The following C16orf95 variants were observed in gnomAD, a reference collection of about 807,000 sequenced individuals.
The protein encoded by C16orf95 is chromosome 16 open reading frame 95.
C16orf95 carries 41 observed loss-of-function variants against 32.1 expected under a neutral mutation model. That is an observed-to-expected ratio of 1.28 (90% CI 1.00 to 1.66). The LOEUF (loss-of-function observed/expected upper bound fraction) is 1.66. Ranked by LOEUF, C16orf95 falls within the 40% of genes most tolerant of loss-of-function variation. The pLI is 0.00. For synonymous variants in C16orf95, 147 were observed against 128.9 expected, an observed-to-expected ratio of 1.14 and a Z score of -0.95; for missense variants, 399 against 325.9, an observed-to-expected ratio of 1.22 and a Z score of -1.73.
intron 3 of C16orf95, among the ~76,000 whole-genome samples, chr16:87,312,613 C>T (rs1911335953): frequency 6.9e-6 from 1 of 145,790 alleles, no homozygotes; most frequent in Non-Finnish European, 1.5e-5. Context: ...AAAAGAAAAA[C>T]TGAATGCCAT....
intron 1 of C16orf95, 29 bp from the exon 2 acceptor site, chr16:87,315,852 G>A (rs1304373062): frequency 1.3e-6 from 2 of 1,514,440 alleles, no homozygotes; most frequent in Non-Finnish European, 1.8e-6. Flanking sequence ...AAAGCTTAGG[G>A]TTTGTGTAAA....
intron 4 of C16orf95, 48 bp from the exon 5 acceptor site, chr16:87,310,381 G>C (rs1457953715): frequency 6.5e-7 from 1 of 1,529,408 alleles, no homozygotes; most frequent in East Asian, 2.4e-5. Context: ...GACCCTCCAA[G>C]GGGGAAGGCC....
Position 87,303,026 on chromosome 16 carries a change from C to T in C16orf95, c.*31G>A. The T allele has an allele frequency of 6.5e-7, 1 of 1,535,536 alleles. No homozygotes were observed. The highest frequency in any genetic ancestry group is 2.4e-5 in the East Asian group (1 of 40,922). On this transcript the variant is annotated 3_prime_UTR_variant, in exon 7 of 7. Coordinates refer to ENST00000567970, the MANE Select transcript of C16orf95 (RefSeq NM_001195124.3). The stretch of plus-strand genomic sequence containing the variant: ...TCTTGATCGTGACACATTTTTGTGG[C>T]TGTTCTTGACAGTAGCTGAAGATTC...
Position 87,315,018 on chromosome 16 carries a change from C to T in C16orf95, c.283G>A (p.Ala95Thr), listed in dbSNP as rs1413716747. Residue 95 changes from alanine to threonine, a missense_variant, in exon 3 of 7, where the codon GCA becomes ACA. Physicochemically the swap from Ala to Thr is moderately conservative, Grantham distance 58. Coordinates refer to ENST00000567970, the MANE Select transcript of C16orf95 (RefSeq NM_001195124.3). ...GGRLPVSRVE[A>T]ALPYWVPLSL... ...AGAGGGACCCAGTAAGGCAGTGCTGCTTCCACCCTGGACACAGGCAGGCGG... is the reference window on the plus strand; with the variant it reads ...AGAGGGACCCAGTAAGGCAGTGCTGTTTCCACCCTGGACACAGGCAGGCGG... 6.5e-7 allele frequency: 1 copy of T among 1,536,030 alleles called. No individual in the cohort carries two copies. The highest frequency in any genetic ancestry group is 8.7e-7 in the Non-Finnish European group (1 of 1,146,896).
intron 6 of C16orf95, among the ~76,000 whole-genome samples, chr16:87,304,755 G>A (rs975702491): frequency 6.6e-6 from 1 of 152,196 alleles, no homozygotes; most frequent in African/African-American, 2.4e-5. Context: ...CCAAAAAACA[G>A]GGGAGAGCCT....
intron 4 of C16orf95, 127 bp from the exon 5 acceptor site, chr16:87,310,460 C>T (rs1022005088): frequency 6.9e-6 from 6 of 863,764 alleles, no homozygotes; most frequent in East Asian, 2.6e-5. Flanking sequence ...AGGGCTCCTC[C>T]TTATGAGGTC....
chr16:87,309,530 T>A (rs1911185953), intron 5 of C16orf95, among the ~76,000 whole-genome samples: 1 of 151,756 alleles, frequency 6.6e-6, no homozygotes, highest in Non-Finnish European at 1.5e-5. Context: ...ACTACAGACA[T>A]GTGCCACCAC....
chr16:87,306,264 A>T (rs947351101), intron 5 of C16orf95: 4 of 178,774 alleles, frequency 2.2e-5, no homozygotes, highest in Non-Finnish European at 4.6e-5. Flanking sequence ...GAGCCGAGTG[A>T]TGGGCACGTG....
intron 5 of C16orf95, among the ~76,000 whole-genome samples, chr16:87,306,994 G>A (rs1044957725): frequency 2.6e-5 from 4 of 152,128 alleles, no homozygotes; most frequent in South Asian, 2.1e-4. Context: ...TCTACGGTTC[G>A]AAGAGCCATA....
intron 4 of C16orf95, 38 bp downstream of exon 4, chr16:87,311,112 C>T: frequency 6.9e-7 from 1 of 1,443,260 alleles, no homozygotes; most frequent in Non-Finnish European, 9.2e-7. Context: ...CCCCACCTCA[C>T]TCTTCAGTTC....
In C16orf95 at chr16:87,305,773, G is replaced by C. The variant is rs1400450129; in HGVS notation, c.647C>G (p.Pro216Arg). 4 of 1,518,656 alleles carry C rather than the reference G, an allele frequency of 2.6e-6. No homozygotes were observed. Among genetic ancestry groups the C allele is most frequent in the Admixed American group, 4.1e-5 (2 of 49,316 alleles). 94.1% of individuals were successfully genotyped at this position (1,518,656 alleles called of 1,614,324 possible). ...QLPAPAARLL[P>R]LGLLTLLQAI... ...CTGGAGGAGGGTCAGGAGGCCGAGG[G>C]GCAGCAGACGCGCTGCAGGAGCCGG... The change falls in exon 6 of 7, where the codon CCC becomes CGC. Residue 216 changes from proline to arginine, a missense_variant. By Grantham distance (103) the Pro-to-Arg change is moderately radical (BLOSUM62 -2). Coordinates refer to ENST00000567970, the MANE Select transcript of C16orf95 (RefSeq NM_001195124.3). The surrounding 1 kb of genome is among the most constrained non-coding windows in gnomAD (Gnocchi z 4.2).
Position 87,317,344 on chromosome 16 carries a change from C to G in C16orf95, c.-102G>C. ...CTCCTGCCCCAGGAGGAACCCAACC[C>G]GAGCTCAACCCCAGCCCCAACCTCA... On this transcript the variant is annotated 5_prime_UTR_variant, in exon 1 of 7. Coordinates refer to ENST00000567970, the MANE Select transcript of C16orf95 (RefSeq NM_001195124.3). 1.4e-6 allele frequency: 2 copies of G among 1,429,216 alleles called. No individual in the cohort carries two copies. Among genetic ancestry groups the G allele is most frequent in the Admixed American group, 2.8e-5 (1 of 36,316 alleles). The allele number at this position is 1,429,216 out of a possible 1,614,324, so 88.5% of individuals were successfully genotyped here. A position where few individuals can be genotyped will look rare whatever the true frequency, so the allele number is the denominator to read the frequency against.
At chr16:87,306,249 G>A (rs756988031) in intron 5 of C16orf95, 2 of 185,124 alleles carry the variant, frequency 1.1e-5, no homozygotes, top group Non-Finnish European at 1.1e-5. Context: ...ACTGGATAAT[G>A]ACTGGAGCCG....
At chr16:87,316,240 G>C (rs991907851) in intron 1 of C16orf95, among the ~76,000 whole-genome samples, 14 of 152,242 alleles carry the variant, frequency 9.2e-5, no homozygotes, top group South Asian at 2.1e-4. Context: ...AAAAAACATC[G>C]TCAAACTGTC....
Position 87,315,094 on chromosome 16 carries a change from C to T in C16orf95, c.207G>A (p.Met69Ile). 1 of 1,535,764 alleles carries T rather than the reference C, an allele frequency of 6.5e-7. No individual in the cohort carries two copies. The highest frequency in any genetic ancestry group is 1.2e-5 in the South Asian group (1 of 83,994). Residue 69 changes from methionine (M) to isoleucine (I), a missense_variant and splice_region_variant, in exon 3 of 7, where the codon ATG becomes ATA. Coordinates refer to ENST00000567970, the MANE Select transcript of C16orf95 (RefSeq NM_001195124.3). ...KKEVCLPRHS[M>I]HPGPWAICCE... ...AGCAGATGGCCCAGGGGCCAGGGTGCATCTGAGTAAGATCCAGAAATGACA... is the reference window on the plus strand; with the variant it reads ...AGCAGATGGCCCAGGGGCCAGGGTGTATCTGAGTAAGATCCAGAAATGACA...
At position 87,317,387 on chromosome 16, in the gene C16orf95, A is replaced by G. The variant is rs140987629; in HGVS notation, c.-145T>C. 1,974 of 1,387,924 alleles carry G rather than the reference A, an allele frequency of 1.4e-3. 2 individuals carry two copies. Among genetic ancestry groups the G allele is most frequent in the Non-Finnish European group, 1.7e-3 (1,856 of 1,075,256 alleles). The allele number at this position is 1,387,924 out of a possible 1,614,324, so 86.0% of individuals were successfully genotyped here. ...CAACCTCAACCGCTCAGAGGAGCCCAACAACGCCCGCGCGCCCGCCCGTCC... is the reference window on the plus strand; with the variant it reads ...CAACCTCAACCGCTCAGAGGAGCCCGACAACGCCCGCGCGCCCGCCCGTCC... On this transcript the variant is annotated 5_prime_UTR_variant, in exon 1 of 7. Transcript: ENST00000567970.
intron 4 of C16orf95, among the ~76,000 whole-genome samples, chr16:87,310,911 C>T (rs567351963): frequency 9.2e-5 from 14 of 152,272 alleles, no homozygotes; most frequent in African/African-American, 3.4e-4. Context: ...GAGAGCAGCG[C>T]GGCCCTGCCC....
chr16:87,315,943 G>A, intron 1 of C16orf95, 120 bp from the exon 2 acceptor site: 2 of 531,656 alleles, frequency 3.8e-6, no homozygotes, highest in African/African-American at 2.0e-5. Context: ...CACGGGTGGT[G>A]GGGATGGGGG....
chr16:87,316,779 C>T (rs1904356248), intron 1 of C16orf95, among the ~76,000 whole-genome samples: 1 of 152,136 alleles, frequency 6.6e-6, no homozygotes, highest in East Asian at 1.9e-4. Flanking sequence ...ACATGTAAAC[C>T]TCAGGAGGTC....
Sources: allele counts gnomAD v4.1 joint callset (sites outside exome capture counted in the v4.1 genomes callset), GRCh38; gene constraint gnomAD v4.1.1; non-coding constraint Gnocchi (gnomAD v3.1); transcripts MANE v1.5; gene names NCBI Gene and HGNC (gene_info 2026-07-23, HGNC 2026-07-21).